MICAL3: variants seen among roughly 807,000 people sequenced by gnomAD.
MICAL3 encodes microtubule associated monooxygenase, calponin and LIM domain containing 3, also known as [F-actin]-monooxygenase MICAL3.
In MICAL3, 62 loss-of-function variants were observed where a neutral mutation model predicts 207.4. The ratio of observed to expected loss-of-function variants is 0.30; its 90% CI spans 0.24 to 0.37. MICAL3 has a LOEUF of 0.37. Among genes scored for constraint, MICAL3 ranks in the 10% least tolerant of loss-of-function variants. The probability of loss-of-function intolerance (pLI) is 1.00; values close to 1 mark genes in which losing one functional copy is unlikely to be tolerated. For synonymous variants in MICAL3, 1,077 were observed against 1,069.3 expected (o/e 1.01, Z -0.14); for missense variants, 2,368 against 2,635.6 (o/e 0.90, Z 2.22).
chr22:17,985,858 C>T (rs1350159211), intron 1 of MICAL3, among the ~76,000 whole-genome samples: 1 of 152,174 alleles, frequency 6.6e-6, no homozygotes, highest in Non-Finnish European at 1.5e-5. Context: ...GAACTCATGA[C>T]TCTTGAATTT....
chr22:17,845,666 G>T (rs768503765), intron 19 of MICAL3, among the ~76,000 whole-genome samples: 1 of 152,200 alleles, frequency 6.6e-6, no homozygotes, highest in African/African-American at 2.4e-5. Flanking sequence ...GTGAGCCCTG[G>T]AGCCAAGATC....
intron 20 of MICAL3, chr22:17,834,372 A>G: frequency 3.2e-6 from 4 of 1,248,892 alleles, no homozygotes; most frequent in South Asian, 2.7e-5. Flanking sequence ...TCTTCCCCTC[A>G]CAACGCACTT....
intron 16 of MICAL3, chr22:17,884,438 A>G (rs1929702268): frequency 1.9e-6 from 2 of 1,042,050 alleles, no homozygotes; most frequent in Non-Finnish European, 2.8e-6. Flanking sequence ...GTGGGAGAAG[A>G]ACAGAAAGAA....
intron 16 of MICAL3, among the ~76,000 whole-genome samples, chr22:17,872,542 A>G (rs987568678): frequency 3.4e-4 from 51 of 152,210 alleles, no homozygotes; most frequent in African/African-American, 1.2e-3. Context: ...GTGTTGACAT[A>G]GTTCACATGA....
At chr22:17,966,561 A>G (rs1180254956) in intron 1 of MICAL3, among the ~76,000 whole-genome samples, 5 of 152,212 alleles carry the variant, frequency 3.3e-5, no homozygotes, top group Non-Finnish European at 5.9e-5. Flanking sequence ...AGATGAGGGT[A>G]GCAGAGGGCT....
intron 11 of MICAL3, among the ~76,000 whole-genome samples, chr22:17,892,854 G>A (rs1171704230): frequency 6.6e-6 from 1 of 152,060 alleles, no homozygotes; most frequent in Admixed American, 6.6e-5. Context: ...CCTCTGCCTT[G>A]CCTACGCTGA....
chr22:17,989,096 T>A (rs1348331917), intron 1 of MICAL3, among the ~76,000 whole-genome samples: 2 of 152,192 alleles, frequency 1.3e-5, no homozygotes, highest in Admixed American at 6.5e-5. Flanking sequence ...CGTCGCTCTG[T>A]GTTCAAACCC....
intron 17 of MICAL3, among the ~76,000 whole-genome samples, chr22:17,866,608 C>CAAAATAGAATAGAAT (rs1556037400): frequency 1.6e-4 from 20 of 123,106 alleles, no homozygotes; most frequent in African/African-American, 6.0e-4. Flanking sequence ...CAGCATAGAA[C>CAAAATAGAATAGAAT]AGAACAGAAT....
chr22:17,966,127 A>G (rs933778716), intron 1 of MICAL3, among the ~76,000 whole-genome samples: 4 of 152,162 alleles, frequency 2.6e-5, no homozygotes, highest in African/African-American at 9.7e-5. Context: ...CAGAACCCTC[A>G]TCCTGCCACA....
chr22:17,976,576 T>C (rs1250933557), intron 1 of MICAL3, among the ~76,000 whole-genome samples: 7 of 98,006 alleles, frequency 7.1e-5, no homozygotes, highest in African/African-American at 2.8e-4. Context: ...TATATATATA[T>C]ATATATATAT....
At chr22:17,882,348 C>A (rs1929514359) in intron 16 of MICAL3, among the ~76,000 whole-genome samples, 1 of 152,220 alleles carries the variant, frequency 6.6e-6, no homozygotes, top group Non-Finnish European at 1.5e-5. Flanking sequence ...TCCTACCAGG[C>A]AATGCCCTCC....
rs183272838 is a variant in MICAL3 at position 17,899,287 on chromosome 22, A to G, written c.948+161T>C. 20 of 700,756 alleles carry G rather than the reference A, an allele frequency of 2.9e-5. No homozygotes were observed. The Admixed American group carries it at 4.0e-4, about 14-fold the overall frequency. The allele number at this position is 700,756 out of a possible 1,614,324, so 43.4% of individuals were successfully genotyped here. ...TTACATTTGAAATTAGCCATAGTTA[A>G]GAGTTGTTCACGCTAAACTGGAAAA... On this transcript the variant is annotated intron_variant, in intron 7 of 31. Coordinates refer to ENST00000441493, the MANE Select transcript of MICAL3 (RefSeq NM_015241.3).
At chr22:17,857,636 G>A in intron 19 of MICAL3, among the ~76,000 whole-genome samples, 1 of 152,230 alleles carries the variant, frequency 6.6e-6, no homozygotes, top group East Asian at 1.9e-4. Flanking sequence ...GAAAGAAATA[G>A]AGATAAAGAA....
chr22:17,957,722 AAAAAAG>A (rs1295121306), intron 1 of MICAL3, among the ~76,000 whole-genome samples: 9 of 145,874 alleles, frequency 6.2e-5, no homozygotes, highest in African/African-American at 2.4e-4. Flanking sequence ...AAAAAAAAAA[AAAAAAG>A]AGAGAGAAAG....
intron 16 of MICAL3, among the ~76,000 whole-genome samples, chr22:17,878,640 T>C (rs1359058140): frequency 6.6e-6 from 1 of 152,182 alleles, no homozygotes; most frequent in Non-Finnish European, 1.5e-5. Context: ...TCCCGCTAGC[T>C]GCAGAGCTGT....
intron 1 of MICAL3, among the ~76,000 whole-genome samples, chr22:17,976,066 T>C (rs1338613670): frequency 4.6e-5 from 7 of 151,744 alleles, no homozygotes; most frequent in Admixed American, 3.3e-4. Flanking sequence ...AAAAGAGTGC[T>C]ACATGGCTCA....
rs1474430920 is a variant in MICAL3, at chr22:17,787,881, G to T, written c.*2851C>A. The T allele has an allele frequency of 6.6e-6, 1 of 152,272 alleles. No homozygotes were observed. The highest frequency in any genetic ancestry group is 2.4e-5 in the African/African-American group (1 of 41,472). The allele number at this position is 152,272 out of a possible 1,614,324, so 9.4% of individuals were successfully genotyped here. On this transcript the variant is annotated 3_prime_UTR_variant, in exon 32 of 32. Coordinates refer to ENST00000441493, the MANE Select transcript of MICAL3 (RefSeq NM_015241.3). ...CAGGCCTGGAAGCCCACGGGGTGCA[G>T]CATCCTCAAGCCCAGGGGCGGGAGC...
At chr22:17,976,583 ATATATATTTT>A (rs1935660028) in intron 1 of MICAL3, among the ~76,000 whole-genome samples, 1 of 87,692 alleles carries the variant, frequency 1.1e-5, no homozygotes, top group Non-Finnish European at 2.0e-5. Context: ...ATATATATAT[ATATATATTTT>A]TTTTTTTTTT....
intron 1 of MICAL3, among the ~76,000 whole-genome samples, chr22:17,971,539 T>TCATCTAGCATTCATCTAGCATA (rs1212258258): frequency 2.0e-5 from 3 of 152,188 alleles, no homozygotes; most frequent in Non-Finnish European, 4.4e-5. Flanking sequence ...CATCTAGCAT[T>TCATCTAGCATTCATCTAGCATA]CATCTAGCAT....
Sources: gnomAD v4.1 joint callset for allele counts (sites outside exome capture counted in the v4.1 genomes callset) on GRCh38, gnomAD v4.1.1 for gene constraint, MANE v1.5 for transcripts, NCBI Gene and HGNC (gene_info 2026-07-23, HGNC 2026-07-21) for gene names.